EYS: variants seen among roughly 807,000 people sequenced by gnomAD.
EYS encodes EGF-like photoreceptor maintenance factor, also known as protein eyes shut homolog.
In EYS, 250 loss-of-function variants were observed where a neutral mutation model predicts 282.1. That is an observed-to-expected ratio of 0.89 (90% confidence interval 0.80 to 0.98). The LOEUF (loss-of-function observed/expected upper bound fraction) is 0.98. EYS is among the 50% of genes least tolerant of loss of function. EYS has a pLI of 0.00. For missense variants in EYS, 4,016 were observed against 3,709.0 expected, an observed-to-expected ratio of 1.08 and a Z score of -2.15; for synonymous variants, 1,355 against 1,282.9, an observed-to-expected ratio of 1.06 and a Z score of -1.20.
At chr6:65,137,020 G>A (rs1362026404) in intron 12 of EYS, among the ~76,000 whole-genome samples, 3 of 151,922 alleles carry the variant, frequency 2.0e-5, no homozygotes, top group African/African-American at 4.8e-5. Context: ...TTTATATTGA[G>A]TACTAAATGT....
chr6:65,496,478 C>G (rs1280356635), intron 2 of EYS, among the ~76,000 whole-genome samples: 1 of 151,858 alleles, frequency 6.6e-6, no homozygotes. Flanking sequence ...CAATTAAACT[C>G]AAATTTTGAG....
intron 41 of EYS, among the ~76,000 whole-genome samples, chr6:63,752,908 AG>A (rs1769375572): frequency 1.3e-5 from 2 of 151,956 alleles, no homozygotes; most frequent in Admixed American, 1.3e-4. Flanking sequence ...TTTATTGAGT[AG>A]CAACCTGTTG....
At chr6:65,131,518 G>C (rs1039367410) in intron 12 of EYS, among the ~76,000 whole-genome samples, 2 of 151,854 alleles carry the variant, frequency 1.3e-5, no homozygotes, top group African/African-American at 4.8e-5. Context: ...AAATCACGAA[G>C]TTCTTTGAAA....
chr6:65,338,024 G>A (rs73443164), intron 10 of EYS, among the ~76,000 whole-genome samples: 10,712 of 150,898 alleles, frequency 0.071, 851 homozygotes, highest in African/African-American at 0.2. Context: ...TTTTCTCTTG[G>A]CTATACCTCA....
At chr6:64,764,596 G>A (rs1274692523) in intron 22 of EYS, among the ~76,000 whole-genome samples, 2 of 152,214 alleles carry the variant, frequency 1.3e-5, no homozygotes, top group Admixed American at 6.5e-5. Context: ...TATTGTGTTG[G>A]TTATTAACAT....
intron 19 of EYS, among the ~76,000 whole-genome samples, chr6:64,834,800 G>A (rs9354162): frequency 0.15 from 23,090 of 151,580 alleles, 1,990 homozygotes; most frequent in East Asian, 0.43. Context: ...GACTTTCTAT[G>A]TTGTATGTTT....
chr6:64,412,538 G>A (rs1442619418), intron 28 of EYS: 1 of 152,128 alleles, frequency 6.6e-6, no homozygotes, highest in Non-Finnish European at 1.5e-5. Context: ...TTGAGATGCT[G>A]AGGATGTTAA....
At chr6:64,328,336 T>A (rs981934044) in intron 29 of EYS, among the ~76,000 whole-genome samples, 11 of 152,086 alleles carry the variant, frequency 7.2e-5, no homozygotes, top group Admixed American at 3.9e-4. Flanking sequence ...GCACTCCCAA[T>A]AGAGGCTGAC....
intron 35 of EYS, among the ~76,000 whole-genome samples, chr6:63,925,283 C>T (rs1438933802): frequency 6.6e-6 from 1 of 152,144 alleles, no homozygotes; most frequent in Non-Finnish European, 1.5e-5. Flanking sequence ...TGGTATTCTT[C>T]AGCTCTAAAT....
At position 63,720,257 on chromosome 6, in the gene EYS, A is replaced by G; in HGVS notation, c.*339T>C. 3.0e-6 allele frequency: 1 copy of G among 336,020 alleles called. No homozygotes were observed. The highest frequency in any genetic ancestry group is 5.4e-6 in the Non-Finnish European group (1 of 185,742). The allele number at this position is 336,020 out of a possible 1,614,324, so 20.8% of individuals were successfully genotyped here. On this transcript the variant is annotated 3_prime_UTR_variant, in exon 43 of 43. Coordinates refer to ENST00000503581, the MANE Select transcript of EYS (RefSeq NM_001142800.2). ...AAACATTTTAAAGTTCAGCTTACAC[A>G]TTGATTTTTAAAATTGTGTTTACAC... is the stretch of plus-strand genomic sequence containing the variant.
At chr6:65,301,256 G>T (rs1768813759) in intron 11 of EYS, among the ~76,000 whole-genome samples, 2 of 151,958 alleles carry the variant, frequency 1.3e-5, no homozygotes, top group Non-Finnish European at 2.9e-5. Flanking sequence ...AGCACTTTGG[G>T]AGGCCGAGGC....
At chr6:64,491,607 T>G (rs2150506143) in intron 26 of EYS, among the ~76,000 whole-genome samples, 1 of 151,178 alleles carries the variant, frequency 6.6e-6, no homozygotes, top group Non-Finnish European at 1.5e-5. Context: ...TAACGGCTAA[T>G]GTAATATTCA....
chr6:64,019,694 C>A (rs1769083993), intron 33 of EYS, among the ~76,000 whole-genome samples: 1 of 151,990 alleles, frequency 6.6e-6, no homozygotes, highest in Non-Finnish European at 1.5e-5. Context: ...CAGGCATGAG[C>A]CACCACGCTC....
intron 26 of EYS, among the ~76,000 whole-genome samples, chr6:64,588,286 G>A (rs1342727064): frequency 6.6e-6 from 1 of 152,022 alleles, no homozygotes; most frequent in Non-Finnish European, 1.5e-5. Flanking sequence ...CAAAATACAA[G>A]CTGGAAATTG....
chr6:64,705,791 C>T lies in EYS; in HGVS notation c.3444-79546G>A, dbSNP rs1161951873. On this transcript the variant is annotated intron_variant, in intron 22 of 42. Coordinates refer to ENST00000503581, the MANE Select transcript of EYS (RefSeq NM_001142800.2). ...GAATTGAACAATGAGATCACATGGA[C>T]GCAGGAAGGGGAACATCACACTCTG... Among the ~76,000 whole-genome samples the T allele has an allele frequency of 4.6e-4, 63 of 136,832 alleles. 1 individual carries two copies. Among genetic ancestry groups the T allele is most frequent in the Middle Eastern group, 3.9e-3 (1 of 256 alleles). 89.8% of individuals were successfully genotyped at this position (136,832 alleles called of 152,430 possible). A position where few individuals can be genotyped will look rare whatever the true frequency, so the allele number is the denominator to read the frequency against.
At chr6:65,424,986 T>C (rs940911822) in intron 5 of EYS, among the ~76,000 whole-genome samples, 1 of 152,096 alleles carries the variant, frequency 6.6e-6, no homozygotes, top group African/African-American at 2.4e-5. Context: ...TCTAAGGGTG[T>C]TATTGCAGAC....
At chr6:64,999,526 AC>A (rs1771390361) in intron 13 of EYS, among the ~76,000 whole-genome samples, 1 of 152,178 alleles carries the variant, frequency 6.6e-6, no homozygotes, top group African/African-American at 2.4e-5. Context: ...CCATGGATCT[AC>A]GTGAGGACGG....
At chr6:64,196,065 C>T (rs1185601022) in intron 31 of EYS, among the ~76,000 whole-genome samples, 1 of 152,108 alleles carries the variant, frequency 6.6e-6, no homozygotes, top group African/African-American at 2.4e-5. Context: ...CAAAGAACCC[C>T]ATCAAAAAGT....
At chr6:64,142,098 T>C (rs1774355536) in intron 31 of EYS, among the ~76,000 whole-genome samples, 1 of 151,554 alleles carries the variant, frequency 6.6e-6, no homozygotes, top group Admixed American at 6.6e-5. Flanking sequence ...TGCCTAGGAG[T>C]CCTCGAGGTG....
Sources: allele counts gnomAD v4.1 joint callset (sites outside exome capture counted in the v4.1 genomes callset), GRCh38; gene constraint gnomAD v4.1.1; transcripts MANE v1.5; gene names NCBI Gene and HGNC (gene_info 2026-07-23, HGNC 2026-07-21).